Variants in FAM53A observed in about 807,000 individuals in gnomAD.
The protein encoded by FAM53A is family with sequence similarity 53 member A.
In FAM53A, 28 loss-of-function variants were observed where a neutral mutation model predicts 26.6. The observed-to-expected ratio is 1.05, with a 90% CI of 0.78 to 1.45. The LOEUF (loss-of-function observed/expected upper bound fraction) is 1.45, where lower values mean the gene tolerates loss of function less well. Ranked by LOEUF, FAM53A falls within the 40% of genes most tolerant of loss-of-function variation. The probability of loss-of-function intolerance (pLI) is 0.00; values close to 1 mark genes in which losing one functional copy is unlikely to be tolerated. For missense variants in FAM53A, 650 were observed against 575.8 expected, an observed-to-expected ratio of 1.13 and a Z score of -1.32; for synonymous variants, 290 against 253.1, an observed-to-expected ratio of 1.15 and a Z score of -1.38.
At chr4:1,624,798 C>G (rs568334134) in intron 1 of FAM53A, among the ~76,000 whole-genome samples, 2 of 152,236 alleles carry the variant, frequency 1.3e-5, no homozygotes, top group Non-Finnish European at 2.9e-5. Flanking sequence ...CAGACTCCCC[C>G]AGAGGCCCTC....
chr4:1,684,096 G>C (rs1715644296), intron 1 of FAM53A, 137 bp downstream of exon 1: 1 of 152,024 alleles, frequency 6.6e-6, no homozygotes. Flanking sequence ...CGCCCAGCTC[G>C]GAGCGCAGGG....
the FAM53A span, among the ~76,000 whole-genome samples, chr4:1,596,000 G>A: frequency 6.6e-6 from 1 of 152,250 alleles, no homozygotes; most frequent in African/African-American, 2.4e-5. Flanking sequence ...CCACCATCTT[G>A]AGACGTGGGG....
the FAM53A span, among the ~76,000 whole-genome samples, chr4:1,605,707 T>C: frequency 6.6e-6 from 1 of 151,988 alleles, no homozygotes; most frequent in South Asian, 2.1e-4. The surrounding 1 kb of genome is among the most constrained non-coding windows in gnomAD (Gnocchi z 5.7). Context: ...CGTCCTGCAC[T>C]CAAGGGTGGG....
At chr4:1,661,886 C>A (rs1003159101) in intron 2 of FAM53A, among the ~76,000 whole-genome samples, 1 of 152,142 alleles carries the variant, frequency 6.6e-6, no homozygotes, top group East Asian at 1.9e-4. Context: ...CCACGGAGCA[C>A]CTCTTGGTGG....
the FAM53A span, among the ~76,000 whole-genome samples, chr4:1,600,248 C>G: frequency 6.6e-6 from 1 of 152,260 alleles, no homozygotes; most frequent in Non-Finnish European, 1.5e-5. Context: ...AGTTGGGGCT[C>G]CTCTGCAGAG....
chr4:1,621,896 C>A (rs1281686562), intron 1 of FAM53A, among the ~76,000 whole-genome samples: 2 of 152,174 alleles, frequency 1.3e-5, no homozygotes, highest in African/African-American at 4.8e-5. Context: ...ACCTGATCCC[C>A]ACAGTGGTGG....
chr4:1,574,975 C>T, the FAM53A span, among the ~76,000 whole-genome samples: 1 of 152,254 alleles, frequency 6.6e-6, no homozygotes, highest in Non-Finnish European at 1.5e-5. Flanking sequence ...TGACAGGCCT[C>T]CTTCACAGAA....
At chr4:1,574,146 C>T in the FAM53A span, 1 of 153,354 alleles carries the variant, frequency 6.5e-6, no homozygotes, top group African/African-American at 2.4e-5. Context: ...CCTCCCCCGC[C>T]CCCCTACTGT....
rs1264430101 is a variant in FAM53A, at chr4:1,655,106, G to A, written c.754C>T (p.Arg252Cys). 19 of 1,600,104 alleles carry A rather than the reference G, an allele frequency of 1.2e-5. No homozygotes were observed. Among genetic ancestry groups the A allele is most frequent in the Non-Finnish European group, 1.6e-5 (19 of 1,173,312 alleles). ...GAGCGGCACCGGAGCAGCCCACGGC[G>A]CCCGCCCAGCGCAGGCGTGGACGTG... ...SPTSTPALGG[R>C]RGLLRCRSQP... Residue 252 changes from arginine to cysteine, a missense_variant, in exon 4 of 5, where the codon CGC becomes TGC. Physicochemically the swap from Arg to Cys is radical, Grantham distance 180. Coordinates refer to ENST00000308132, the MANE Select transcript of FAM53A (RefSeq NM_001174070.3).
At chr4:1,647,231 G>A (rs1373359917) in intron 4 of FAM53A, among the ~76,000 whole-genome samples, 2 of 151,880 alleles carry the variant, frequency 1.3e-5, no homozygotes, top group Non-Finnish European at 2.9e-5. Context: ...AGCTACTCAG[G>A]AGACTGAGGC....
the FAM53A span, among the ~76,000 whole-genome samples, chr4:1,605,748 G>T: frequency 1.3e-5 from 2 of 152,122 alleles, no homozygotes; most frequent in Non-Finnish European, 2.9e-5. This position sits in a 1 kb window ranked among gnomAD's most constrained non-coding sequence, Gnocchi z 5.7. Flanking sequence ...GGCACCGCCC[G>T]CAGCAGTTCT....
the FAM53A span, among the ~76,000 whole-genome samples, chr4:1,608,765 C>T: frequency 3.2e-4 from 48 of 152,300 alleles, 1 homozygote; most frequent in East Asian, 1.3e-3. Context: ...GAGGGAGAGC[C>T]GTTTGGATCT....
chr4:1,579,357 C>T, the FAM53A span, among the ~76,000 whole-genome samples: 1 of 151,874 alleles, frequency 6.6e-6, no homozygotes, highest in African/African-American at 2.4e-5. Context: ...ACCCCGGCCG[C>T]CCTCGGGCCC....
In FAM53A at chr4:1,655,607, G is replaced by T. The variant is rs1160238789; in HGVS notation, c.253C>A (p.Gln85Lys). 1.3e-6 allele frequency: 2 copies of T among 1,592,642 alleles called. No individual in the cohort carries two copies. The highest frequency in any genetic ancestry group is 1.7e-6 in the Non-Finnish European group (2 of 1,169,380). ...GGGCGCGGGGACTGTGGCTGCCACT[G>T]AAGACCCATGGTGTGAGCGGCAGCA... Reference protein sequence around the residue: ...LSAAAHTMGLQWQPQSPRPGA... With the variant: ...LSAAAHTMGLKWQPQSPRPGA... The change falls in exon 4 of 5, where the codon CAG becomes AAG. Residue 85 changes from glutamine to lysine, a missense_variant. By Grantham distance (53) the Gln-to-Lys change is moderately conservative. Transcript: ENST00000308132.
intron 1 of FAM53A, among the ~76,000 whole-genome samples, chr4:1,676,559 CA>C (rs1309791081): frequency 1.3e-5 from 2 of 152,104 alleles, no homozygotes; most frequent in Non-Finnish European, 2.9e-5. Flanking sequence ...GCTTACAAAC[CA>C]ATACTGAGCT....
the FAM53A span, among the ~76,000 whole-genome samples, chr4:1,577,966 G>A: frequency 4.7e-4 from 72 of 152,182 alleles, no homozygotes; most frequent in African/African-American, 1.6e-3. Flanking sequence ...GGTGCTGCCC[G>A]GGGATGCTCT....
intron 2 of FAM53A, 50 bp downstream of exon 2, chr4:1,668,617 G>A: frequency 6.2e-7 from 1 of 1,606,554 alleles, no homozygotes; most frequent in Non-Finnish European, 8.5e-7. Context: ...ATTCCCCTGT[G>A]ACAGCACGGG....
the FAM53A span, among the ~76,000 whole-genome samples, chr4:1,603,425 C>A: frequency 6.6e-6 from 1 of 152,080 alleles, no homozygotes; most frequent in African/African-American, 2.4e-5. Context: ...ACAGAGGCTG[C>A]TGGGCCGCCC....
At chr4:1,667,325 C>T (rs763863734) in intron 2 of FAM53A, among the ~76,000 whole-genome samples, 6 of 152,098 alleles carry the variant, frequency 3.9e-5, no homozygotes, top group African/African-American at 9.7e-5. Flanking sequence ...AAATGAGAAC[C>T]GGCCACAGCA....
Sources: gnomAD v4.1 joint callset for allele counts (sites outside exome capture counted in the v4.1 genomes callset) on GRCh38, gnomAD v4.1.1 for gene constraint, Gnocchi (gnomAD v3.1) non-coding constraint, MANE v1.5 for transcripts, NCBI Gene and HGNC (gene_info 2026-07-23, HGNC 2026-07-21) for gene names.